The following UGT2A3 variants were observed in gnomAD, a reference collection of about 807,000 sequenced individuals.
UGT2A3 encodes UDP glucuronosyltransferase family 2 member A3, also known as UDP-glucuronosyltransferase 2A3.
Under a neutral mutation model 44.1 loss-of-function variants are expected in UGT2A3, and 55 were observed. The ratio of observed to expected loss-of-function variants is 1.25; its 90% CI spans 1.00 to 1.56. The LOEUF (loss-of-function observed/expected upper bound fraction) is 1.56. UGT2A3 is among the 40% of genes most tolerant of loss of function. The pLI, the probability that UGT2A3 is intolerant of heterozygous loss-of-function variation, is 0.00. For synonymous variants in UGT2A3, 243 were observed against 215.1 expected, an observed-to-expected ratio of 1.13 and a Z score of -1.13; for missense variants, 733 against 621.6, an observed-to-expected ratio of 1.18 and a Z score of -1.91.
At position 68,929,957 on chromosome 4, in the gene UGT2A3, G is replaced by T. The variant is rs773079693; in HGVS notation, c.1440C>A (p.Asp480Glu). The T allele has an allele frequency of 1.2e-6, 2 of 1,613,626 alleles. No individual in the cohort carries two copies. Among genetic ancestry groups the T allele is most frequent in the Non-Finnish European group, 8.5e-7 (1 of 1,179,672 alleles). Residue 480 changes from aspartate to glutamate, a missense_variant, in exon 6 of 6, where the codon GAC (aspartate) becomes GAA (glutamate). Physicochemically the swap from Asp to Glu is conservative, Grantham distance 45. Transcript: ENST00000251566. The part of the protein sequence containing the change: ...GAKHLRSAAH[D>E]LTWFQHYSID... ...TAGAGTAGTGCTGGAACCAGGTGAG[G>T]TCATGGGCAGCTGATCGCAGGTGCT... is the stretch of plus-strand genomic sequence containing the variant.
At chr4:68,944,900 C>T (rs1264178038) in intron 2 of UGT2A3, among the ~76,000 whole-genome samples, 1 of 151,652 alleles carries the variant, frequency 6.6e-6, no homozygotes, top group Non-Finnish European at 1.5e-5. Context: ...CTCACCAACT[C>T]CTGTGGAATA....
intron 2 of UGT2A3, among the ~76,000 whole-genome samples, chr4:68,935,527 G>T (rs1052569095): frequency 6.6e-6 from 1 of 151,474 alleles, no homozygotes; most frequent in African/African-American, 2.4e-5. Context: ...TCAATAAAAA[G>T]GACATCCACA....
intron 2 of UGT2A3, among the ~76,000 whole-genome samples, chr4:68,940,639 T>A (rs1248166021): frequency 6.6e-6 from 1 of 151,474 alleles, no homozygotes; most frequent in Non-Finnish European, 1.5e-5. Flanking sequence ...GGCACATGTA[T>A]ACCTATGTAA....
At position 68,951,399 on chromosome 4, in the gene UGT2A3, A is replaced by C. The variant is rs1255969515; in HGVS notation, c.362T>G (p.Leu121Ter). ...NDFFVEIRGT[L>*]KMMCESFIYN... is the part of the protein sequence containing the mutation. The stretch of plus-strand genomic sequence containing the variant: ...GATAAAGCTCTCACACATCATTTTT[A>C]AAGTTCCTCTTATTTCAACAAAAAA... Residue 121 changes from leucine (L) to a stop codon, truncating the protein, a stop_gained, in exon 1 of 6, where the codon TTA becomes TGA. Coordinates refer to ENST00000251566, the MANE Select transcript of UGT2A3 (RefSeq NM_024743.4). LOFTEE classifies it high-confidence loss of function. 7 of 1,612,120 alleles carry C rather than the reference A, an allele frequency of 4.3e-6. No individual in the cohort carries two copies. Among genetic ancestry groups the C allele is most frequent in the Non-Finnish European group, 5.9e-6 (7 of 1,179,176 alleles).
At chr4:68,940,805 T>C (rs1718157186) in intron 2 of UGT2A3, among the ~76,000 whole-genome samples, 1 of 81,176 alleles carries the variant, frequency 1.2e-5, no homozygotes, top group South Asian at 5.1e-4. Context: ...CACACACATA[T>C]ATAGCATAGA....
Position 68,951,425 on chromosome 4 carries a change from A to T in UGT2A3, c.336T>A (p.Asp112Glu). 6.2e-7 allele frequency: 1 copy of T among 1,611,714 alleles called. No individual in the cohort carries two copies. The change falls in exon 1 of 6, where the codon GAT becomes GAA. Residue 112 changes from aspartate (D) to glutamate (E), a missense_variant. Physicochemically the swap from Asp to Glu is conservative, Grantham distance 45. Coordinates refer to ENST00000251566, the MANE Select transcript of UGT2A3 (RefSeq NM_024743.4). ...AAGTTCCTCTTATTTCAACAAAAAA[A>T]TCATTTAATTTTATAACTGATTGCC... ...STWQSVIKLN[D>E]FFVEIRGTLK... is the part of the protein sequence containing the mutation.
chr4:68,928,571 A>T lies in UGT2A3; in HGVS notation c.*1242T>A, dbSNP rs774880170. ...TTAAAATTGAAATTAATTTGTAGAT[A>T]TACCTAATCAACATCTGTAAGAATT... On this transcript the variant is annotated 3_prime_UTR_variant, in exon 6 of 6. Transcript: ENST00000251566. The T allele has an allele frequency of 4.9e-4, 75 of 152,172 alleles. No individual in the cohort carries two copies. The highest frequency in any genetic ancestry group is 1.0e-3 in the Non-Finnish European group (69 of 67,966). The allele number at this position is 152,172 out of a possible 1,614,324, so 9.4% of individuals were successfully genotyped here.
chr4:68,942,504 G>GATATATATATATATAC (rs1247401024), intron 2 of UGT2A3, among the ~76,000 whole-genome samples: 5 of 131,026 alleles, frequency 3.8e-5, no homozygotes, highest in African/African-American at 1.5e-4. Flanking sequence ...TTCCACTGGA[G>GATATATATATATATAC]ATATATATAT....
In UGT2A3 at chr4:68,951,248, T is replaced by G. The variant is rs372964177; in HGVS notation, c.513A>C (p.Arg171Ser). Reference protein sequence around the residue: ...LLAVPFVLTLRISVGGNMERS... With the variant: ...LLAVPFVLTLSISVGGNMERS... ...GCTCCATATTGCCTCCTACAGAAAT[T>G]CTAAGTGTGAGCACAAAAGGGACTG... Residue 171 changes from arginine to serine, a missense_variant, in exon 1 of 6, where the codon AGA becomes AGC. Physicochemically the swap from Arg to Ser is moderately radical, Grantham distance 110 (BLOSUM62 -1). Coordinates refer to ENST00000251566, the MANE Select transcript of UGT2A3 (RefSeq NM_024743.4). 7 of 1,611,600 alleles carry G rather than the reference T, an allele frequency of 4.3e-6. No homozygotes were observed. In the African/African-American group the frequency reaches 9.4e-5, roughly 22 times the overall value.
At chr4:68,939,634 T>A (rs190516927) in intron 2 of UGT2A3, among the ~76,000 whole-genome samples, 101 of 152,248 alleles carry the variant, frequency 6.6e-4, no homozygotes, top group Non-Finnish European at 1.0e-3. Context: ...GACTTAGGCC[T>A]GGGCAAGGGT....
chr4:68,942,339 C>CTCTATATATATA (rs1173763752), intron 2 of UGT2A3, among the ~76,000 whole-genome samples: 10 of 133,274 alleles, frequency 7.5e-5, no homozygotes, highest in African/African-American at 2.6e-4. Flanking sequence ...CTCTCTCTCT[C>CTCTATATATATA]TATATATATA....
Position 68,945,388 on chromosome 4 carries a change from TC to T in UGT2A3, c.781del (p.Asp261IlefsTer85). ...TTGGTATGGTTGAGGAAATTCAAAA[TC>T]CCAATATGTTCGTATTAGCCATATC... ...AEIWLIRTYW[D>X]FEFPQPYQPN... On this transcript the variant is annotated frameshift_variant, in exon 2 of 6. Coordinates refer to ENST00000251566, the MANE Select transcript of UGT2A3 (RefSeq NM_024743.4). LOFTEE classifies it high-confidence loss of function. The T allele has an allele frequency of 6.2e-7, 1 of 1,611,434 alleles. No homozygotes were observed. The highest frequency in any genetic ancestry group is 8.5e-7 in the Non-Finnish European group (1 of 1,178,494).
At chr4:68,940,929 T>G (rs980720569) in intron 2 of UGT2A3, among the ~76,000 whole-genome samples, 1 of 151,592 alleles carries the variant, frequency 6.6e-6, no homozygotes, top group African/African-American at 2.4e-5. Context: ...GTATGGATAT[T>G]TGAGCCCTCC....
chr4:68,945,366 G>T lies in UGT2A3; in HGVS notation c.804C>A (p.Tyr268Ter). 1 of 1,611,466 alleles carries T rather than the reference G, an allele frequency of 6.2e-7. No homozygotes were observed. ...CTCCAACAAACTCAAAGTTAGGTTG[G>T]TATGGTTGAGGAAATTCAAAATCCC... Reference protein sequence around the residue: ...TYWDFEFPQPYQPNFEFVGGL... With the variant: ...TYWDFEFPQP The change falls in exon 2 of 6, where the codon TAC (tyrosine) becomes TAA (stop). Residue 268 changes from tyrosine (Y) to a stop codon, truncating the protein, a stop_gained. Coordinates refer to ENST00000251566, the MANE Select transcript of UGT2A3 (RefSeq NM_024743.4). LOFTEE classifies it high-confidence loss of function.
intron 2 of UGT2A3, among the ~76,000 whole-genome samples, chr4:68,936,160 C>T (rs1022540871): frequency 6.6e-6 from 1 of 152,092 alleles, no homozygotes; most frequent in Admixed American, 6.5e-5. Flanking sequence ...TCCAGGAGAA[C>T]TTTCCCAACC....
rs559777946 is a variant in UGT2A3 at position 68,934,032 on chromosome 4, T to C, written c.865-1273A>G. Reference sequence around the variant, plus strand: ...CTTTTTAAATATGTAGACATCAATATAAAGAGCAAGTATTGTTAAAAAAAA... The same window carrying C: ...CTTTTTAAATATGTAGACATCAATACAAAGAGCAAGTATTGTTAAAAAAAA... On this transcript the variant is annotated intron_variant, in intron 2 of 5. Coordinates refer to ENST00000251566, the MANE Select transcript of UGT2A3 (RefSeq NM_024743.4). Among the ~76,000 whole-genome samples, 4 of 149,660 alleles carry C rather than the reference T, an allele frequency of 2.7e-5. No homozygotes were observed. In the South Asian group the frequency reaches 8.4e-4, roughly 31 times the overall value.
chr4:68,941,661 T>C (rs1718190848), intron 2 of UGT2A3, among the ~76,000 whole-genome samples: 1 of 151,900 alleles, frequency 6.6e-6, no homozygotes, highest in Non-Finnish European at 1.5e-5. Flanking sequence ...GCATTGAGCT[T>C]GTGCAGAGAA....
At chr4:68,949,595 C>A (rs541070619) in intron 1 of UGT2A3, among the ~76,000 whole-genome samples, 1 of 151,954 alleles carries the variant, frequency 6.6e-6, no homozygotes, top group South Asian at 2.1e-4. Flanking sequence ...GGAAATATTA[C>A]GCCAAATTGA....
chr4:68,937,966 C>T lies in UGT2A3; in HGVS notation c.865-5207G>A, dbSNP rs188505610. Among the ~76,000 whole-genome samples the T allele has an allele frequency of 4.9e-3, 740 of 151,996 alleles. 2 individuals are homozygous for T. The highest frequency in any genetic ancestry group is 8.2e-3 in the Non-Finnish European group (557 of 67,926). On this transcript the variant is annotated intron_variant, in intron 2 of 5. Transcript: ENST00000251566. ...AAATAAACTAGAGAATCTAAAGAAA[C>T]GGATGAATTCCTGGACACATACACC...
Sources: gnomAD v4.1 joint callset for allele counts (sites outside exome capture counted in the v4.1 genomes callset) on GRCh38, gnomAD v4.1.1 for gene constraint, MANE v1.5 for transcripts, NCBI Gene and HGNC (gene_info 2026-07-23, HGNC 2026-07-21) for gene names.